The following CHSY3 variants were observed in gnomAD, a reference collection of about 807,000 sequenced individuals.
The protein encoded by CHSY3 is N-acetylgalactosaminyl-proteoglycan 3-beta-glucuronosyltransferase 3.
Under a neutral mutation model 67.2 loss-of-function variants are expected in CHSY3, and 35 were observed. The ratio of observed to expected loss-of-function variants is 0.52; its 90% CI spans 0.40 to 0.69. CHSY3 has a LOEUF of 0.69. Among genes scored for constraint, CHSY3 ranks in the 30% least tolerant of loss-of-function variants. CHSY3 has a pLI of 0.00. For synonymous variants in CHSY3, 474 were observed against 434.7 expected, an observed-to-expected ratio of 1.09 and a Z score of -1.12; for missense variants, 1,069 against 1,138.5, an observed-to-expected ratio of 0.94 and a Z score of 0.88.
chr5:130,014,492 A>G (rs1015905288), intron 2 of CHSY3, among the ~76,000 whole-genome samples: 2 of 152,234 alleles, frequency 1.3e-5, no homozygotes, highest in Non-Finnish European at 2.9e-5. Flanking sequence ...AATGAGTGCC[A>G]GGCCAGATGG....
chr5:130,018,899 GT>G (rs1764285698), intron 2 of CHSY3, among the ~76,000 whole-genome samples: 1 of 152,006 alleles, frequency 6.6e-6, no homozygotes, highest in Non-Finnish European at 1.5e-5. Flanking sequence ...TTGAGAGGGG[GT>G]TGCTATAAAG....
intron 2 of CHSY3, among the ~76,000 whole-genome samples, chr5:129,987,732 G>T (rs1763247625): frequency 6.6e-6 from 1 of 151,990 alleles, no homozygotes; most frequent in Non-Finnish European, 1.5e-5. Flanking sequence ...TGTATTAGTT[G>T]ACTATAAATT....
At chr5:129,957,303 G>C (rs1042633268) in intron 2 of CHSY3, among the ~76,000 whole-genome samples, 4 of 151,934 alleles carry the variant, frequency 2.6e-5, no homozygotes, top group African/African-American at 4.8e-5. Context: ...AGTGATTTTT[G>C]TATGTTGATT....
At chr5:130,147,765 G>A (rs533055852) in intron 2 of CHSY3, among the ~76,000 whole-genome samples, 24 of 152,224 alleles carry the variant, frequency 1.6e-4, no homozygotes, top group Admixed American at 1.5e-3. Context: ...AGAGCGAGTA[G>A]GGGAATGAGA....
intron 2 of CHSY3, among the ~76,000 whole-genome samples, chr5:130,122,275 A>G: frequency 6.6e-6 from 1 of 152,276 alleles, no homozygotes; most frequent in Middle Eastern, 3.4e-3. Flanking sequence ...TCTTTATATA[A>G]TTATTAGAGT....
intron 2 of CHSY3, among the ~76,000 whole-genome samples, chr5:130,007,560 A>G (rs568359309): frequency 4.6e-5 from 7 of 152,214 alleles, no homozygotes; most frequent in South Asian, 4.2e-4. Flanking sequence ...TGTGGCCCAC[A>G]TTTGCCACAG....
chr5:130,035,900 T>G (rs955604097), intron 2 of CHSY3, among the ~76,000 whole-genome samples: 8 of 148,576 alleles, frequency 5.4e-5, no homozygotes, highest in East Asian at 2.0e-4. Flanking sequence ...TTTTTTTTTT[T>G]TTTTTTTTTT....
intron 2 of CHSY3, among the ~76,000 whole-genome samples, chr5:129,910,650 A>G (rs544565108): frequency 1.2e-4 from 19 of 152,174 alleles, no homozygotes; most frequent in East Asian, 3.9e-4. Flanking sequence ...ATTGTGTTCT[A>G]TGTTTCATGA....
Position 129,941,241 on chromosome 5 carries a change from A to G in CHSY3, c.1086+32881A>G, listed in dbSNP as rs76013600. ...ATAAATAAATGCAGTTTTAGCTTAT[A>G]ATGTTTTCAATTTATGGTGGATTTA... On this transcript the variant is annotated intron_variant, in intron 2 of 2. Transcript: ENST00000305031. Among the ~76,000 whole-genome samples the G allele has an allele frequency of 2.2e-4, 33 of 152,266 alleles. No homozygotes were observed. In the East Asian group the frequency reaches 6.2e-3, roughly 28 times the overall value.
chr5:130,178,347 T>C (rs1185434025), intron 2 of CHSY3, among the ~76,000 whole-genome samples: 8 of 147,328 alleles, frequency 5.4e-5, no homozygotes, highest in African/African-American at 2.0e-4. Flanking sequence ...GCTCCGCCTC[T>C]CGGGTTCACG....
At chr5:130,088,779 G>A (rs1561531460) in intron 2 of CHSY3, among the ~76,000 whole-genome samples, 1 of 152,174 alleles carries the variant, frequency 6.6e-6, no homozygotes, top group Non-Finnish European at 1.5e-5. Flanking sequence ...TGGTGGGACT[G>A]TAAACTAGTT....
At chr5:129,966,590 G>T in intron 2 of CHSY3, among the ~76,000 whole-genome samples, 1 of 151,648 alleles carries the variant, frequency 6.6e-6, no homozygotes, top group Middle Eastern at 3.2e-3. Context: ...CATCTCGGAG[G>T]TATGAAAATT....
At position 130,184,281 on chromosome 5, in the gene CHSY3, A is replaced by C; in HGVS notation, c.1139A>C (p.Gln380Pro). Residue 380 changes from glutamine (Q) to proline (P), a missense_variant, in exon 3 of 3, where the codon CAA becomes CCA. Coordinates refer to ENST00000305031, the MANE Select transcript of CHSY3 (RefSeq NM_175856.5). The part of the protein sequence containing the change: ...NYEHNRKGYI[Q>P]DLHNSKIHAA... ...GAACACAATCGGAAGGGTTACATCCAAGACCTTCACAATAGCAAAATCCAT... is the reference window on the plus strand; with the variant it reads ...GAACACAATCGGAAGGGTTACATCCCAGACCTTCACAATAGCAAAATCCAT... 1 of 1,613,348 alleles carries C rather than the reference A, an allele frequency of 6.2e-7. No individual in the cohort carries two copies. The highest frequency in any genetic ancestry group is 8.5e-7 in the Non-Finnish European group (1 of 1,179,598).
At position 129,952,700 on chromosome 5, in the gene CHSY3, A is replaced by G. The variant is rs1762056867; in HGVS notation, c.1086+44340A>G. On this transcript the variant is annotated intron_variant, in intron 2 of 2. Transcript: ENST00000305031. Reference sequence around the variant, plus strand: ...GTTCAAATTATTAGATGTCTTTTGCATCCACTAGGAAAGCACTTTGGCATG... The same window carrying G: ...GTTCAAATTATTAGATGTCTTTTGCGTCCACTAGGAAAGCACTTTGGCATG... 3.3e-5 allele frequency among the ~76,000 whole-genome samples: 5 copies of G among 152,314 alleles called. No homozygotes were observed. In the South Asian group the frequency reaches 8.3e-4, roughly 25 times the overall value.
At chr5:130,101,630 G>T (rs1401192138) in intron 2 of CHSY3, among the ~76,000 whole-genome samples, 1 of 151,896 alleles carries the variant, frequency 6.6e-6, no homozygotes, top group Non-Finnish European at 1.5e-5. Flanking sequence ...CAATTTTCAG[G>T]TATACAATAT....
At chr5:129,979,056 C>T (rs1192032180) in intron 2 of CHSY3, among the ~76,000 whole-genome samples, 2 of 151,048 alleles carry the variant, frequency 1.3e-5, no homozygotes, top group South Asian at 2.1e-4. Context: ...AAAAATTAGC[C>T]GGGTGTGGTG....
chr5:130,088,622 T>G (rs1055161252), intron 2 of CHSY3, among the ~76,000 whole-genome samples: 15 of 152,016 alleles, frequency 9.9e-5, no homozygotes, highest in Admixed American at 6.5e-4. Flanking sequence ...CATGAAAAAA[T>G]GCTCACCATC....
intron 2 of CHSY3, among the ~76,000 whole-genome samples, chr5:129,996,804 T>C (rs1294849977): frequency 6.6e-6 from 1 of 152,134 alleles, no homozygotes; most frequent in African/African-American, 2.4e-5. Context: ...TTTTTGTTTC[T>C]TTATAATAGC....
At position 129,924,520 on chromosome 5, in the gene CHSY3, C is replaced by A. The variant is rs112709221; in HGVS notation, c.1086+16160C>A. 9.6e-3 allele frequency among the ~76,000 whole-genome samples: 1,453 copies of A among 151,834 alleles called. 22 individuals carry two copies. Among genetic ancestry groups the A allele is most frequent in the African/African-American group, 0.033 (1,377 of 41,384 alleles). On this transcript the variant is annotated intron_variant, in intron 2 of 2. Transcript: ENST00000305031. ...CATTAGCCAGGCATGGTGGCATGTG[C>A]CTGTAGTCCCAGCTGCTCGGGAGGC...
Sources: gnomAD v4.1 joint callset for allele counts (sites outside exome capture counted in the v4.1 genomes callset) on GRCh38, gnomAD v4.1.1 for gene constraint, MANE v1.5 for transcripts, NCBI Gene and HGNC (gene_info 2026-07-23, HGNC 2026-07-21) for gene names.